C3orf70: variants seen among roughly 807,000 people sequenced by gnomAD.
C3orf70 encodes UPF0524 protein C3orf70.
Under a neutral mutation model 20.7 loss-of-function variants are expected in C3orf70, and 15 were observed. The observed-to-expected ratio is 0.72, with a 90% CI of 0.48 to 1.11. C3orf70 has a LOEUF of 1.11. Among genes scored for constraint, C3orf70 ranks in the 50% most tolerant of loss-of-function variants. C3orf70 has a pLI of 0.00. For missense variants in C3orf70, 332 were observed against 317.6 expected, an observed-to-expected ratio of 1.05 and a Z score of -0.34; for synonymous variants, 161 against 125.7, an observed-to-expected ratio of 1.28 and a Z score of -1.88.
chr3:185,115,617 G>A (rs1716158426), intron 1 of C3orf70, among the ~76,000 whole-genome samples: 1 of 152,192 alleles, frequency 6.6e-6, no homozygotes, highest in South Asian at 2.1e-4. Flanking sequence ...CCTCTTGGGA[G>A]TGAGCCAACC....
intron 1 of C3orf70, among the ~76,000 whole-genome samples, chr3:185,126,313 C>T (rs1716410370): frequency 6.6e-6 from 1 of 152,168 alleles, no homozygotes; most frequent in African/African-American, 2.4e-5. Context: ...CAGCTGAAAG[C>T]TCTAGGCCTA....
At chr3:185,092,840 A>T in intron 1 of C3orf70, among the ~76,000 whole-genome samples, 1 of 152,080 alleles carries the variant, frequency 6.6e-6, no homozygotes, top group South Asian at 2.1e-4. Context: ...AAAATACAAA[A>T]ATTAGTTGGG....
intron 1 of C3orf70, among the ~76,000 whole-genome samples, chr3:185,096,145 T>G (rs1715696447): frequency 1.7e-5 from 1 of 58,104 alleles, no homozygotes; most frequent in African/African-American, 4.0e-5. Context: ...TATACTTCTG[T>G]TTTTTTCTTT....
At chr3:185,147,697 G>T (rs531403291) in intron 1 of C3orf70, among the ~76,000 whole-genome samples, 2 of 152,150 alleles carry the variant, frequency 1.3e-5, no homozygotes, top group African/African-American at 4.8e-5. Context: ...GCTTATTCTG[G>T]TACAAAGTAA....
chr3:185,078,209 T>C lies in C3orf70; in HGVS notation c.*4798A>G, dbSNP rs1234435338. Reference sequence around the variant, plus strand: ...TTGTGCTTAAAACTTTAAAATAGTTTTTAAAAATAGCAGAGTAAGTGAATA... The same window carrying C: ...TTGTGCTTAAAACTTTAAAATAGTTCTTAAAAATAGCAGAGTAAGTGAATA... On this transcript the variant is annotated 3_prime_UTR_variant, in exon 2 of 2. Transcript: ENST00000335012. 5.9e-5 allele frequency: 9 copies of C among 152,752 alleles called. No individual in the cohort carries two copies. The highest frequency in any genetic ancestry group is 4.6e-4 in the Admixed American group (7 of 15,282). 9.5% of individuals were successfully genotyped at this position (152,752 alleles called of 1,614,324 possible). A position where few individuals can be genotyped will look rare whatever the true frequency, so the allele number is the denominator to read the frequency against.
rs1251796247 is a variant in C3orf70 at position 185,079,801 on chromosome 3, A to T, written c.*3206T>A. The T allele has an allele frequency of 6.5e-6, 1 of 152,704 alleles. No homozygotes were observed. Among genetic ancestry groups the T allele is most frequent in the Non-Finnish European group, 1.5e-5 (1 of 68,044 alleles). The allele number at this position is 152,704 out of a possible 1,614,324, so 9.5% of individuals were successfully genotyped here. A position where few individuals can be genotyped will look rare whatever the true frequency, so the allele number is the denominator to read the frequency against. The stretch of plus-strand genomic sequence containing the variant: ...CAGCCCAACCCTTGCTCCAATGAGC[A>T]TATTACTGGGTCCAAAGTATACAGC... On this transcript the variant is annotated 3_prime_UTR_variant, in exon 2 of 2. Transcript: ENST00000335012.
intron 1 of C3orf70, among the ~76,000 whole-genome samples, chr3:185,147,614 G>T (rs1245769998): frequency 6.6e-6 from 1 of 152,204 alleles, no homozygotes; most frequent in Non-Finnish European, 1.5e-5. Flanking sequence ...CCGTGGAAAA[G>T]CTCTAAGCCT....
intron 1 of C3orf70, among the ~76,000 whole-genome samples, chr3:185,135,263 C>T (rs1197137640): frequency 6.6e-6 from 1 of 152,054 alleles, no homozygotes; most frequent in Non-Finnish European, 1.5e-5. Context: ...ACTGCAAACA[C>T]ACTTCAAGCA....
intron 1 of C3orf70, among the ~76,000 whole-genome samples, chr3:185,142,893 C>A (rs916168897): frequency 1.3e-5 from 2 of 152,044 alleles, no homozygotes; most frequent in African/African-American, 4.8e-5. Context: ...GAATATAGGA[C>A]ATTCTCCAAA....
chr3:185,088,042 G>A (rs2108587300), intron 1 of C3orf70, among the ~76,000 whole-genome samples: 1 of 151,982 alleles, frequency 6.6e-6, no homozygotes, highest in East Asian at 1.9e-4. Context: ...CTCCCGAGTA[G>A]CTGGGATTAC....
At chr3:185,114,641 A>G (rs1290226604) in intron 1 of C3orf70, among the ~76,000 whole-genome samples, 1 of 152,214 alleles carries the variant, frequency 6.6e-6, no homozygotes, top group Non-Finnish European at 1.5e-5. Flanking sequence ...AATTAACCCT[A>G]AGGAGCAATA....
rs941106477 is a variant in C3orf70, at chr3:185,120,228, T to C, written c.196+32400A>G. Among the ~76,000 whole-genome samples the C allele has an allele frequency of 5.9e-5, 9 of 152,148 alleles. No individual in the cohort carries two copies. In the South Asian group the frequency reaches 1.7e-3, roughly 28 times the overall value. ...TATGTAAGTCCTAGAAAGAAGCAAATTTTGAAAATTATTCATTTGGTCATT... is the reference window on the plus strand; with the variant it reads ...TATGTAAGTCCTAGAAAGAAGCAAACTTTGAAAATTATTCATTTGGTCATT... On this transcript the variant is annotated intron_variant, in intron 1 of 1. Transcript: ENST00000335012.
intron 1 of C3orf70, among the ~76,000 whole-genome samples, chr3:185,123,178 C>CCAA (rs1716340968): frequency 1.1e-5 from 1 of 91,356 alleles, no homozygotes; most frequent in Non-Finnish European, 2.0e-5. Flanking sequence ...GACTCCATCT[C>CCAA]AAAAAAAAAA....
At chr3:185,102,969 T>C (rs1013109684) in intron 1 of C3orf70, among the ~76,000 whole-genome samples, 1 of 152,052 alleles carries the variant, frequency 6.6e-6, no homozygotes, top group Non-Finnish European at 1.5e-5. Flanking sequence ...CGGCCAGGCA[T>C]GGCAGTGGCT....
intron 1 of C3orf70, among the ~76,000 whole-genome samples, chr3:185,111,264 T>C (rs1215832096): frequency 6.6e-6 from 1 of 152,096 alleles, no homozygotes; most frequent in East Asian, 1.9e-4. Flanking sequence ...TAAAAAATCA[T>C]TGTGCTTCAA....
At chr3:185,125,158 T>A (rs1016703551) in intron 1 of C3orf70, among the ~76,000 whole-genome samples, 1 of 152,118 alleles carries the variant, frequency 6.6e-6, no homozygotes, top group East Asian at 1.9e-4. Flanking sequence ...GGTGGGTGGA[T>A]CACCTGAGGT....
chr3:185,125,588 G>C (rs1716394499), intron 1 of C3orf70, among the ~76,000 whole-genome samples: 1 of 152,040 alleles, frequency 6.6e-6, no homozygotes. Context: ...AGACAAAATA[G>C]AAACAATCCA....
intron 1 of C3orf70, among the ~76,000 whole-genome samples, chr3:185,114,341 T>C (rs1431336415): frequency 1.3e-5 from 2 of 152,230 alleles, no homozygotes; most frequent in Non-Finnish European, 2.9e-5. Context: ...TATTCAGATA[T>C]GTGAACATAT....
rs1211698214 is a variant in C3orf70 at position 185,077,724 on chromosome 3, A to G, written c.*5283T>C. Among the ~76,000 whole-genome samples, 3 of 146,350 alleles carry G rather than the reference A, an allele frequency of 2.0e-5. No homozygotes were observed. The highest frequency in any genetic ancestry group is 4.5e-5 in the Non-Finnish European group (3 of 66,868). Reference sequence around the variant, plus strand: ...AGAACTGCAGCCAACACTGCCCCACATGACACGTGTAAGCCGAACAGAAAG... The same window carrying G: ...AGAACTGCAGCCAACACTGCCCCACGTGACACGTGTAAGCCGAACAGAAAG... On this transcript the variant is annotated 3_prime_UTR_variant, in exon 2 of 2. Coordinates refer to ENST00000335012, the MANE Select transcript of C3orf70 (RefSeq NM_001025266.3).
Sources: gnomAD v4.1 joint callset for allele counts (sites outside exome capture counted in the v4.1 genomes callset) on GRCh38, gnomAD v4.1.1 for gene constraint, MANE v1.5 for transcripts, NCBI Gene and HGNC (gene_info 2026-07-23, HGNC 2026-07-21) for gene names.